Variants in PLA2G4F observed in about 807,000 individuals in gnomAD.
The protein encoded by PLA2G4F is cytosolic phospholipase A2 zeta.
Under a neutral mutation model 103.1 loss-of-function variants are expected in PLA2G4F, and 105 were observed. The observed-to-expected ratio is 1.02, with a 90% CI of 0.87 to 1.20. The LOEUF is 1.20. Ranked by LOEUF, PLA2G4F falls within the 50% of genes most tolerant of loss-of-function variation. The pLI is 0.00. For missense variants in PLA2G4F, 1,155 were observed against 1,075.9 expected (o/e 1.07, Z -1.03); for synonymous variants, 468 against 441.1 (o/e 1.06, Z -0.76).
rs1220064405 is a variant in PLA2G4F, at chr15:42,143,844, G to A, written c.2142+134C>T. 7.5e-6 allele frequency: 9 copies of A among 1,194,936 alleles called. No homozygotes were observed. The Admixed American group carries it at 1.7e-4, about 22-fold the overall frequency. The allele number at this position is 1,194,936 out of a possible 1,614,324, so 74.0% of individuals were successfully genotyped here. A position where few individuals can be genotyped will look rare whatever the true frequency, so the allele number is the denominator to read the frequency against. On this transcript the variant is annotated intron_variant, in intron 18 of 19. Coordinates refer to ENST00000397272, the MANE Select transcript of PLA2G4F (RefSeq NM_213600.4). ...TCCCTCACACACAGAGTGGAACCCA[G>A]GCCGTCCACAAAGGGCAATCCCCAC...
Position 42,154,153 on chromosome 15 carries a change from A to C in PLA2G4F, c.389T>G (p.Phe130Cys). The C allele has an allele frequency of 6.2e-7, 1 of 1,614,222 alleles. No individual in the cohort carries two copies. Among genetic ancestry groups the C allele is most frequent in the South Asian group, 1.1e-5 (1 of 91,088 alleles). The change falls in exon 4 of 20, where the codon TTT becomes TGT. Residue 130 changes from phenylalanine to cysteine, a missense_variant. By Grantham distance (205) the Phe-to-Cys change is radical. This residue lies in a region of PLA2G4F where 370 missense variants were observed against 364.9 expected (regional missense o/e 1.01). Coordinates refer to ENST00000397272, the MANE Select transcript of PLA2G4F (RefSeq NM_213600.4). ...LGSDQLSLLL[F>C]DLRSLKCGQP... is the part of the protein sequence containing the mutation. ...GCCACACTTGAGGCTTCTCAGGTCAAACAGGAGCAGAGAGAGCTGGTCGCT... is the reference window on the plus strand; with the variant it reads ...GCCACACTTGAGGCTTCTCAGGTCACACAGGAGCAGAGAGAGCTGGTCGCT...
Position 42,147,214 on chromosome 15 carries a change from A to C in PLA2G4F, c.1329T>G (p.Thr443=). The C allele has an allele frequency of 6.2e-7, 1 of 1,612,976 alleles. No individual in the cohort carries two copies. The highest frequency in any genetic ancestry group is 8.5e-7 in the Non-Finnish European group (1 of 1,179,972). The change falls in exon 13 of 20, where the codon ACT becomes ACG. Residue 443 remains threonine (T), a synonymous_variant. Coordinates refer to ENST00000397272, the MANE Select transcript of PLA2G4F (RefSeq NM_213600.4). The part of the protein sequence containing the change: ...ALSTERLQYY[T]QELGVRERSG... The stretch of plus-strand genomic sequence containing the variant: ...TGCGCTCCCGGACCCCCAGTTCCTG[A>C]GTGTAGTACTGTAGCCGCTCCGTGG...
At position 42,149,841 on chromosome 15, in the gene PLA2G4F, C is replaced by G. The variant is rs1459069913; in HGVS notation, c.931G>C (p.Asp311His). Residue 311 changes from aspartate to histidine, a missense_variant, in exon 11 of 20, where the codon GAC becomes CAC. Transcript: ENST00000397272. ...TCAAAGCCAAGGCGTAGGTCTAGGT[C>G]CCCGGAGCTGCCTCAAGTAGGGTGG... ...LSMKVEMSSG[D>H]LDLRLGFDLS... 6.2e-7 allele frequency: 1 copy of G among 1,614,056 alleles called. No homozygotes were observed. Among genetic ancestry groups the G allele is most frequent in the African/African-American group, 1.3e-5 (1 of 74,916 alleles).
At chr15:42,155,483 G>C in intron 2 of PLA2G4F, 34 bp downstream of exon 2, 1 of 1,609,266 alleles carries the variant, frequency 6.2e-7, no homozygotes, top group Non-Finnish European at 8.5e-7. Context: ...CGCAGGGAAA[G>C]GACAGAGAGA....
In PLA2G4F at chr15:42,144,659, G is replaced by A; in HGVS notation, c.1781-15C>T. The A allele has an allele frequency of 1.9e-6, 3 of 1,559,302 alleles. No individual in the cohort carries two copies. The highest frequency in any genetic ancestry group is 2.6e-6 in the Non-Finnish European group (3 of 1,153,286). ...CTGGCAGTCGTCTAGACAGGGGCGG[G>A]ACAGTGAAATAGAGGGGAAAGTGGC... On this transcript the variant is annotated splice_polypyrimidine_tract_variant and intron_variant, in intron 16 of 19. Transcript: ENST00000397272.
intron 1 of PLA2G4F, among the ~76,000 whole-genome samples, chr15:42,156,109 G>A (rs955774464): frequency 3.9e-5 from 6 of 152,088 alleles, no homozygotes; most frequent in African/African-American, 1.2e-4. Flanking sequence ...GGGCTTAGGA[G>A]AGATAACATC....
Position 42,147,208 on chromosome 15 carries a change from T to A in PLA2G4F, c.1335A>T (p.Glu445Asp). Residue 445 changes from glutamate to aspartate, a missense_variant, in exon 13 of 20, where the codon GAA becomes GAT. Around this residue, in one of 3 missense-constraint regions of PLA2G4F, gnomAD observed 782 missense variants for 692.9 expected, o/e 1.13. Transcript: ENST00000397272. ...STERLQYYTQELGVRERSGHS... is the reference protein window; with the variant it reads ...STERLQYYTQDLGVRERSGHS... ...GGCCACTGCGCTCCCGGACCCCCAG[T>A]TCCTGAGTGTAGTACTGTAGCCGCT... is the stretch of plus-strand genomic sequence containing the variant. 1 of 1,613,016 alleles carries A rather than the reference T, an allele frequency of 6.2e-7. No individual in the cohort carries two copies. Among genetic ancestry groups the A allele is most frequent in the Non-Finnish European group, 8.5e-7 (1 of 1,179,978 alleles).
At chr15:42,153,776 G>A in intron 4 of PLA2G4F, 116 bp from the exon 5 acceptor site, 4 of 1,169,930 alleles carry the variant, frequency 3.4e-6, no homozygotes, top group Non-Finnish European at 4.9e-6. Flanking sequence ...TGGCATTGTG[G>A]CTTGTCATGG....
intron 5 of PLA2G4F, 88 bp downstream of exon 5, chr15:42,153,532 C>T (rs1050868760): frequency 1.9e-6 from 3 of 1,559,362 alleles, no homozygotes; most frequent in African/African-American, 1.4e-5. Flanking sequence ...GCCTCCAAGG[C>T]CAGTGCAGGA....
intron 6 of PLA2G4F, 39 bp downstream of exon 6, chr15:42,153,261 C>A (rs1426650233): frequency 3.1e-6 from 5 of 1,599,644 alleles, no homozygotes; most frequent in Non-Finnish European, 4.3e-6. Context: ...TCACTGCCCC[C>A]CAGCCCAGAA....
Position 42,153,330 on chromosome 15 carries a change from T to C in PLA2G4F, c.504A>G (p.Ala168=), listed in dbSNP as rs766837554. ...EFVLEKSQVP[A]SEVITNGVLV... ...GAACCCCGTTGGTGATGACTTCAGA[T>C]GCAGGCACCTGGCTGCAAAGGATGA... Residue 168 remains alanine, a synonymous_variant, in exon 6 of 20, where the codon GCA becomes GCG. Transcript: ENST00000397272. 6.2e-7 allele frequency: 1 copy of C among 1,614,140 alleles called. No homozygotes were observed. The highest frequency in any genetic ancestry group is 1.7e-5 in the Admixed American group (1 of 60,018).
chr15:42,151,588 AGAGGAGTCCCT>A, intron 7 of PLA2G4F: 1 of 985,436 alleles, frequency 1.0e-6, no homozygotes. Flanking sequence ...TGAGAGGTCC[AGAGGAGTCCCT>A]GCCCTACAGC....
Position 42,147,733 on chromosome 15 carries a change from C to T in PLA2G4F, c.1089G>A (p.Gly363=). 6.2e-7 allele frequency: 1 copy of T among 1,613,834 alleles called. No individual in the cohort carries two copies. The highest frequency in any genetic ancestry group is 8.5e-7 in the Non-Finnish European group (1 of 1,179,902). The part of the protein sequence containing the change: ...QVPVVAVLGS[G]GGTRAMSSLY... ...GAGAAGACATGGCTCGGGTTCCACC[C>T]CCGGAACCCAACACAGCCACTACAG... The change falls in exon 12 of 20, where the codon GGG becomes GGA. Residue 363 remains glycine (G), a synonymous_variant. Transcript: ENST00000397272.
chr15:42,153,541 G>A, intron 5 of PLA2G4F, 79 bp downstream of exon 5: 2 of 1,572,388 alleles, frequency 1.3e-6, no homozygotes, highest in South Asian at 2.2e-5. Flanking sequence ...GCCAGTGCAG[G>A]ACATGGTGAC....
intron 13 of PLA2G4F, chr15:42,146,556 T>G: frequency 3.3e-6 from 1 of 300,284 alleles, no homozygotes; most frequent in Non-Finnish European, 6.3e-6. Flanking sequence ...CAGTCCAATT[T>G]CTTTAAAAAA....
At chr15:42,153,279 A>G in intron 6 of PLA2G4F, 21 bp downstream of exon 6, 2 of 1,613,480 alleles carry the variant, frequency 1.2e-6, no homozygotes, top group Non-Finnish European at 1.7e-6. Flanking sequence ...GAACAGCGCC[A>G]AGCTTGCCTT....
intron 2 of PLA2G4F, 99 bp from the exon 3 acceptor site, chr15:42,154,557 A>G (rs1213975796): frequency 3.7e-6 from 5 of 1,366,480 alleles, no homozygotes; most frequent in Non-Finnish European, 4.8e-6. Context: ...CAGAGTGGGG[A>G]GGGGAAGCCG....
At chr15:42,153,276 G>A (rs531508290) in intron 6 of PLA2G4F, 24 bp downstream of exon 6, 41 of 1,612,720 alleles carry the variant, frequency 2.5e-5, no homozygotes, top group South Asian at 6.6e-5. Flanking sequence ...CCAGAACAGC[G>A]CCAAGCTTGC....
intron 11 of PLA2G4F, 68 bp downstream of exon 11, chr15:42,149,645 C>T (rs1255081950): frequency 1.3e-6 from 2 of 1,593,088 alleles, no homozygotes; most frequent in African/African-American, 2.7e-5. Context: ...CCATGCTGGT[C>T]CTCTCAAGGG....
Sources: allele counts gnomAD v4.1 joint callset (sites outside exome capture counted in the v4.1 genomes callset), GRCh38; gene constraint gnomAD v4.1.1; regional missense constraint gnomAD v4.1.1; transcripts MANE v1.5; gene names NCBI Gene and HGNC (gene_info 2026-07-23, HGNC 2026-07-21).